REDIC1: variants seen among roughly 807,000 people sequenced by gnomAD.
The protein encoded by REDIC1 is HEI10 Interacting Protein 1.
At chr12:39,649,841 TACTC>T in the REDIC1 span, among the ~76,000 whole-genome samples, 1 of 152,048 alleles carries the variant, frequency 6.6e-6, no homozygotes, top group East Asian at 1.9e-4. Context: ...AATCTAAAGT[TACTC>T]AGTAAATGGA....
chr12:39,859,568 G>T, the REDIC1 span, among the ~76,000 whole-genome samples: 1 of 152,084 alleles, frequency 6.6e-6, no homozygotes, highest in African/African-American at 2.4e-5. Context: ...TGTCACCCAG[G>T]CTGGAGTGCA....
chr12:39,645,598 G>A, the REDIC1 span, among the ~76,000 whole-genome samples: 1 of 151,926 alleles, frequency 6.6e-6, no homozygotes, highest in Admixed American at 6.6e-5. Flanking sequence ...TGTTTCTCTG[G>A]TCCCACATTT....
At chr12:39,777,974 G>C in the REDIC1 span, among the ~76,000 whole-genome samples, 24 of 151,956 alleles carry the variant, frequency 1.6e-4, no homozygotes, top group Admixed American at 1.5e-3. Context: ...ACCTATGGAT[G>C]GCTAAACTAA....
chr12:39,716,629 G>A, the REDIC1 span: 4 of 611,676 alleles, frequency 6.5e-6, no homozygotes, highest in Admixed American at 7.7e-5. Flanking sequence ...ACTAATTTTG[G>A]TACATTTTAA....
chr12:39,702,191 C>G, the REDIC1 span, among the ~76,000 whole-genome samples: 1 of 151,602 alleles, frequency 6.6e-6, no homozygotes, highest in Admixed American at 6.6e-5. Context: ...GTAGACCTAG[C>G]AAGACTAATA....
At chr12:39,628,490 C>A in the REDIC1 span, among the ~76,000 whole-genome samples, 16 of 152,084 alleles carry the variant, frequency 1.1e-4, no homozygotes, top group Non-Finnish European at 2.4e-4. Flanking sequence ...CTTTTTACCC[C>A]CCTCCATTGT....
the REDIC1 span, among the ~76,000 whole-genome samples, chr12:39,801,671 G>C: frequency 2.1e-3 from 326 of 152,278 alleles, 1 homozygote; most frequent in African/African-American, 7.6e-3. Flanking sequence ...TCCTAGCTCT[G>C]CCACTTAACT....
the REDIC1 span, among the ~76,000 whole-genome samples, chr12:39,780,239 TAC>T: frequency 6.6e-6 from 1 of 152,214 alleles, no homozygotes; most frequent in African/African-American, 2.4e-5. Flanking sequence ...TCCCCAAGAT[TAC>T]ACAGTGACAG....
chr12:39,667,304 C>T, the REDIC1 span, among the ~76,000 whole-genome samples: 1 of 152,196 alleles, frequency 6.6e-6, no homozygotes, highest in Admixed American at 6.5e-5. Flanking sequence ...ATCTTTATTT[C>T]TGCCTTCATT....
the REDIC1 span, among the ~76,000 whole-genome samples, chr12:39,735,424 A>G: frequency 1.3e-5 from 2 of 152,176 alleles, no homozygotes; most frequent in Non-Finnish European, 2.9e-5. Context: ...GGAATAGAAA[A>G]TGATGTAGAT....
At chr12:39,654,669 TG>T in the REDIC1 span, among the ~76,000 whole-genome samples, 2 of 152,204 alleles carry the variant, frequency 1.3e-5, no homozygotes, top group African/African-American at 4.8e-5. Context: ...TGATGGTTTT[TG>T]TGTCTATATT....
chr12:39,750,618 A>T, the REDIC1 span, among the ~76,000 whole-genome samples: 1 of 152,220 alleles, frequency 6.6e-6, no homozygotes, highest in Non-Finnish European at 1.5e-5. Flanking sequence ...ATCCTAAGCC[A>T]AAAGAACAAA....
chr12:39,730,863 T>G, the REDIC1 span, among the ~76,000 whole-genome samples: 1 of 152,210 alleles, frequency 6.6e-6, no homozygotes, highest in Non-Finnish European at 1.5e-5. Flanking sequence ...TTCATTCTTT[T>G]TTCTCTAATC....
At chr12:39,867,455 G>GA in the REDIC1 span, among the ~76,000 whole-genome samples, 6 of 149,612 alleles carry the variant, frequency 4.0e-5, no homozygotes, top group East Asian at 5.8e-4. Context: ...GGCTATTTTT[G>GA]AAAAAAACAA....
the REDIC1 span, among the ~76,000 whole-genome samples, chr12:39,685,864 G>A: frequency 6.6e-6 from 1 of 152,174 alleles, no homozygotes; most frequent in East Asian, 1.9e-4. Flanking sequence ...ATTCCAAAAG[G>A]GAGAAATAGG....
the REDIC1 span, among the ~76,000 whole-genome samples, chr12:39,725,852 T>C: frequency 6.6e-6 from 1 of 151,858 alleles, no homozygotes; most frequent in African/African-American, 2.4e-5. Flanking sequence ...ACACAGCGAA[T>C]TGAGGTAGCT....
chr12:39,765,200 TGAC>T, the REDIC1 span, among the ~76,000 whole-genome samples: 1 of 152,070 alleles, frequency 6.6e-6, no homozygotes, highest in Non-Finnish European at 1.5e-5. Flanking sequence ...TTTGCAATCA[TGAC>T]AAGATTCAAA....
the REDIC1 span, among the ~76,000 whole-genome samples, chr12:39,831,056 C>G: frequency 1.1e-4 from 16 of 152,246 alleles, no homozygotes; most frequent in Non-Finnish European, 2.2e-4. Flanking sequence ...CCCTGTCACA[C>G]AATCATTTGC....
At chr12:39,837,799 T>A in the REDIC1 span, among the ~76,000 whole-genome samples, 1 of 152,162 alleles carries the variant, frequency 6.6e-6, no homozygotes, top group East Asian at 1.9e-4. Context: ...AGATACCATC[T>A]CACACCAGTT....
Sources: allele counts gnomAD v4.1 joint callset (sites outside exome capture counted in the v4.1 genomes callset), GRCh38; gene constraint gnomAD v4.1.1; transcripts MANE v1.5; gene names NCBI Gene and HGNC (gene_info 2026-07-23, HGNC 2026-07-21).